Variants in AKAP8 observed in about 807,000 individuals in gnomAD.
The protein encoded by AKAP8 is A-kinase anchor protein 8.
AKAP8 carries 24 observed loss-of-function variants against 67.5 expected under a neutral mutation model. The observed-to-expected ratio is 0.36, with a 90% CI of 0.26 to 0.50. The LOEUF (loss-of-function observed/expected upper bound fraction) is 0.50, where lower values mean the gene tolerates loss of function less well. Among genes scored for constraint, AKAP8 ranks in the 20% least tolerant of loss-of-function variants. The pLI is 0.97. For missense variants in AKAP8, 971 were observed against 955.9 expected (o/e 1.02, Z -0.21); for synonymous variants, 400 against 371.1 (o/e 1.08, Z -0.90).
intron 9 of AKAP8, among the ~76,000 whole-genome samples, chr19:15,362,688 G>A (rs1400491278): frequency 1.3e-5 from 2 of 151,762 alleles, no homozygotes; most frequent in Admixed American, 6.6e-5. Flanking sequence ...GGAGTGCAGT[G>A]GCGTGATCTC....
chr19:15,358,058 G>A (rs1011492896), intron 13 of AKAP8, among the ~76,000 whole-genome samples: 5 of 152,142 alleles, frequency 3.3e-5, no homozygotes, highest in African/African-American at 1.2e-4. Context: ...GAAGTGTTTA[G>A]TAACTGAGAG....
In AKAP8 at chr19:15,373,073, G is replaced by A. The variant is rs756541219; in HGVS notation, c.639C>T (p.Pro213=). The change falls in exon 5 of 14, where the codon CCC becomes CCT. Residue 213 remains proline (P), a synonymous_variant. Coordinates refer to ENST00000269701, the MANE Select transcript of AKAP8 (RefSeq NM_005858.4). The part of the protein sequence containing the change: ...TFMRSDPFVP[P]AASSEPLSTP... ...TGGACAGGGGCTCAGAGGACGCAGC[G>A]GGGGGCACGAAGGGGTCGCTGCGCA... is the stretch of plus-strand genomic sequence containing the variant. The A allele has an allele frequency of 2.6e-5, 42 of 1,609,512 alleles. No individual in the cohort carries two copies. Among genetic ancestry groups the A allele is most frequent in the Middle Eastern group, 3.3e-4 (2 of 6,072 alleles).
intron 9 of AKAP8, among the ~76,000 whole-genome samples, chr19:15,367,398 G>A (rs1282204447): frequency 6.6e-6 from 1 of 152,114 alleles, no homozygotes; most frequent in Non-Finnish European, 1.5e-5. Context: ...CGTGGTGTCA[G>A]GCGCCTGTAA....
chr19:15,358,395 C>A (rs960679880), intron 13 of AKAP8, among the ~76,000 whole-genome samples: 5 of 151,530 alleles, frequency 3.3e-5, no homozygotes, highest in Non-Finnish European at 5.9e-5. Flanking sequence ...CACTCTGTCA[C>A]CTGGGCTGGA....
chr19:15,360,116 C>T (rs1034994038), intron 12 of AKAP8, among the ~76,000 whole-genome samples: 5 of 151,336 alleles, frequency 3.3e-5, no homozygotes, highest in East Asian at 1.9e-4. Context: ...GCCTGGGCAA[C>T]AAGAGTGAAA....
intron 11 of AKAP8, among the ~76,000 whole-genome samples, chr19:15,361,302 G>A (rs1053304966): frequency 6.6e-6 from 1 of 151,254 alleles, no homozygotes; most frequent in South Asian, 2.1e-4. Context: ...CTCTTCCCAC[G>A]GGTCTCGTCA....
Position 15,362,502 on chromosome 19 carries a change from C to T in AKAP8, c.1161-251G>A, listed in dbSNP as rs564831843. 9.9e-5 allele frequency among the ~76,000 whole-genome samples: 15 copies of T among 151,714 alleles called. No homozygotes were observed. In the East Asian group the frequency reaches 1.2e-3, roughly 12 times the overall value. Reference sequence around the variant, plus strand: ...CCTGCCTACTGCCTGCGATTGCAGGCGCGCGCCGCCACGCCTGACTGGTTT... The same window carrying T: ...CCTGCCTACTGCCTGCGATTGCAGGTGCGCGCCGCCACGCCTGACTGGTTT... On this transcript the variant is annotated intron_variant, in intron 9 of 13. Coordinates refer to ENST00000269701, the MANE Select transcript of AKAP8 (RefSeq NM_005858.4).
intron 8 of AKAP8, 195 bp from the exon 9 acceptor site, chr19:15,368,517 G>T (rs1427893641): frequency 1.5e-5 from 15 of 985,172 alleles, no homozygotes; most frequent in East Asian, 1.1e-4. Flanking sequence ...TGAGAGCCCG[G>T]AGTAGTCACC....
In AKAP8 at chr19:15,366,312, T is replaced by TG. The variant is rs926619387; in HGVS notation, c.1160+1922_1160+1923insC. On this transcript the variant is annotated intron_variant, in intron 9 of 13. Coordinates refer to ENST00000269701, the MANE Select transcript of AKAP8 (RefSeq NM_005858.4). ...ATCTCTTTATTAGATTATTTAAGTT[T>TG]AAAAATAATTAAAAAGAAAATGTCA... Among the ~76,000 whole-genome samples, 79 of 152,070 alleles carry TG rather than the reference T, an allele frequency of 5.2e-4. 1 individual carries two copies. The highest frequency in any genetic ancestry group is 3.4e-3 in the Middle Eastern group (1 of 294).
At chr19:15,373,517 G>A (rs767880560) in intron 4 of AKAP8, among the ~76,000 whole-genome samples, 177 bp from the exon 5 acceptor site, 8 of 152,150 alleles carry the variant, frequency 5.3e-5, no homozygotes, top group Admixed American at 2.0e-4. Context: ...CTGCTGAGCA[G>A]GGGACAGAGC....
intron 13 of AKAP8, 119 bp from the exon 14 acceptor site, chr19:15,355,489 T>C: frequency 1.1e-6 from 1 of 934,444 alleles, no homozygotes; most frequent in Non-Finnish European, 1.6e-6. Context: ...CTGTAAATTA[T>C]GCCACAGGAG....
chr19:15,355,248 A>G lies in AKAP8; in HGVS notation c.1746T>C (p.Ile582=). The change falls in exon 14 of 14, where the codon ATT becomes ATC. Residue 582 remains isoleucine (I), a synonymous_variant. Coordinates refer to ENST00000269701, the MANE Select transcript of AKAP8 (RefSeq NM_005858.4). ...EVAADVLAEV[I]TAAVRAVDGE... is the part of the protein sequence containing the mutation. ...CATCTACGGCCCTCACTGCTGCTGT[A>G]ATCACCTCTGCTAAGACGTCCGCGG... 4 of 1,612,070 alleles carry G rather than the reference A, an allele frequency of 2.5e-6. No individual in the cohort carries two copies. Among genetic ancestry groups the G allele is most frequent in the South Asian group, 2.2e-5 (2 of 91,080 alleles).
chr19:15,358,891 G>T, intron 13 of AKAP8, 76 bp downstream of exon 13: 1 of 1,353,518 alleles, frequency 7.4e-7, no homozygotes, highest in South Asian at 1.2e-5. Context: ...CTGCACTCTG[G>T]ATTCAACTCC....
intron 6 of AKAP8, 54 bp from the exon 7 acceptor site, chr19:15,372,052 T>A: frequency 6.2e-7 from 1 of 1,612,456 alleles, no homozygotes; most frequent in Non-Finnish European, 8.5e-7. Flanking sequence ...TCCCATCCGG[T>A]TTCCGCCCTC....
rs188947859 is a variant in AKAP8 at position 15,355,650 on chromosome 19, T to C, written c.1624-280A>G. ...GGCTCACTGCAACCTCCGCCTCCTG[T>C]GTTTTTAGTAGAGATGGGGTTTCCA... is the stretch of plus-strand genomic sequence containing the variant. On this transcript the variant is annotated intron_variant, in intron 13 of 13. Coordinates refer to ENST00000269701, the MANE Select transcript of AKAP8 (RefSeq NM_005858.4). 4.6e-3 allele frequency among the ~76,000 whole-genome samples: 690 copies of C among 151,566 alleles called. 10 individuals carry two copies. Among genetic ancestry groups the C allele is most frequent in the African/African-American group, 0.016 (652 of 41,292 alleles).
chr19:15,371,846 T>C lies in AKAP8; in HGVS notation c.1038+106A>G, dbSNP rs1967163379. Reference sequence around the variant, plus strand: ...TCAGGGTCCTGAATCCACTCAGAGGTAGTCAAATCTACCATGGCAGCTGCT... The same window carrying C: ...TCAGGGTCCTGAATCCACTCAGAGGCAGTCAAATCTACCATGGCAGCTGCT... On this transcript the variant is annotated intron_variant, in intron 7 of 13. Transcript: ENST00000269701. 4.8e-6 allele frequency: 6 copies of C among 1,254,212 alleles called. No individual in the cohort carries two copies. In the South Asian group the frequency reaches 6.3e-5, roughly 13 times the overall value. 77.7% of individuals were successfully genotyped at this position (1,254,212 alleles called of 1,614,324 possible).
At chr19:15,363,479 A>C in intron 9 of AKAP8, among the ~76,000 whole-genome samples, 3 of 103,206 alleles carry the variant, frequency 2.9e-5, no homozygotes, top group Middle Eastern at 0.011. Flanking sequence ...TCCGGGAGGG[A>C]GGTGGGGGGG....
In AKAP8 at chr19:15,373,787, T is replaced by C. The variant is rs1293175258; in HGVS notation, c.370A>G (p.Ser124Gly). The C allele has an allele frequency of 1.2e-6, 2 of 1,606,300 alleles. No individual in the cohort carries two copies. Among genetic ancestry groups the C allele is most frequent in the Non-Finnish European group, 8.5e-7 (1 of 1,179,022 alleles). Residue 124 changes from serine to glycine, a missense_variant and splice_region_variant, in exon 4 of 14, where the codon AGC becomes GGC. Around this residue, in one of 3 missense-constraint regions of AKAP8, gnomAD observed 763 missense variants for 745.4 expected, o/e 1.02. Transcript: ENST00000269701. ...GGGEGIQDRE[S>G]SFRFQPFESY... Reference sequence around the variant, plus strand: ...GGGAGGGCTTGGGTCCATAATCACCTCTCCCGGTCCTGTATGCCCTCCCCA... The same window carrying C: ...GGGAGGGCTTGGGTCCATAATCACCCCTCCCGGTCCTGTATGCCCTCCCCA...
chr19:15,355,501 G>A, intron 13 of AKAP8, 131 bp from the exon 14 acceptor site: 2 of 832,444 alleles, frequency 2.4e-6, no homozygotes, highest in South Asian at 1.8e-5. Context: ...CCACAGGAGT[G>A]AATCCTACAT....
Sources: allele counts gnomAD v4.1 joint callset (sites outside exome capture counted in the v4.1 genomes callset), GRCh38; gene constraint gnomAD v4.1.1; regional missense constraint gnomAD v4.1.1; transcripts MANE v1.5; gene names NCBI Gene and HGNC (gene_info 2026-07-23, HGNC 2026-07-21).